The following ZNF503 variants were observed in gnomAD, a reference collection of about 807,000 sequenced individuals.
The protein encoded by ZNF503 is zinc finger protein 503, also known as NocA-like zinc finger 2.
ZNF503 carries 15 observed loss-of-function variants against 34.4 expected under a neutral mutation model. The ratio of observed to expected loss-of-function variants is 0.44; its 90% confidence interval spans 0.29 to 0.67. ZNF503 has a LOEUF of 0.67. Among genes scored for constraint, ZNF503 ranks in the 30% least tolerant of loss-of-function variants. The pLI is 0.13. For missense variants in ZNF503, 1,007 were observed against 926.8 expected (o/e 1.09, Z -1.12); for synonymous variants, 580 against 456.8 (o/e 1.27, Z -3.44).
the ZNF503 span, among the ~76,000 whole-genome samples, chr10:75,360,377 C>T: frequency 5.9e-5 from 9 of 152,086 alleles, no homozygotes; most frequent in South Asian, 2.1e-4. Flanking sequence ...CCACCCATCT[C>T]GGCCTCCCAA....
the ZNF503 span, among the ~76,000 whole-genome samples, chr10:75,293,621 C>T: frequency 2.6e-5 from 4 of 151,838 alleles, no homozygotes; most frequent in South Asian, 2.1e-4. Context: ...GTGCCCCCCC[C>T]GTCCACTCAC....
chr10:75,369,077 A>C, the ZNF503 span, among the ~76,000 whole-genome samples: 701 of 152,324 alleles, frequency 4.6e-3, 3 homozygotes, highest in African/African-American at 0.016. Flanking sequence ...AAGGTTGTTT[A>C]AGATACATTA....
chr10:75,349,716 G>A, the ZNF503 span, among the ~76,000 whole-genome samples: 3 of 152,236 alleles, frequency 2.0e-5, no homozygotes, highest in Non-Finnish European at 4.4e-5. Context: ...ACTGGAAGAA[G>A]ACCTGAGGCT....
At chr10:75,284,324 A>T in the ZNF503 span, among the ~76,000 whole-genome samples, 2 of 151,398 alleles carry the variant, frequency 1.3e-5, no homozygotes, top group East Asian at 1.9e-4. Context: ...AAACCAGCCT[A>T]AGAGAGCAGA....
chr10:75,395,526 C>G (rs1395192660), downstream of ZNF503, among the ~76,000 whole-genome samples: 2 of 152,094 alleles, frequency 1.3e-5, no homozygotes, highest in Admixed American at 6.5e-5. This position sits in a 1 kb window ranked among gnomAD's most constrained non-coding sequence, Gnocchi z 4.4. Flanking sequence ...CGGGCTCCAG[C>G]CGCCAGCCGG....
chr10:75,293,382 C>G, the ZNF503 span, among the ~76,000 whole-genome samples: 2 of 152,136 alleles, frequency 1.3e-5, no homozygotes, highest in African/African-American at 2.4e-5. Flanking sequence ...GTGCAGCTGG[C>G]CTTTCCAGGT....
the ZNF503 span, among the ~76,000 whole-genome samples, chr10:75,381,944 C>G: frequency 6.7e-6 from 1 of 148,992 alleles, no homozygotes; most frequent in Admixed American, 6.8e-5. Flanking sequence ...GTAGCTGAGA[C>G]TACAGGCATA....
chr10:75,329,538 A>G, the ZNF503 span, among the ~76,000 whole-genome samples: 150,677 of 151,996 alleles, frequency 0.99, 74,751 homozygotes, highest in Middle Eastern at 1. Flanking sequence ...GCTCATAGCT[A>G]CCTAATAGCC....
the ZNF503 span, among the ~76,000 whole-genome samples, chr10:75,364,075 G>A: frequency 1.2e-4 from 18 of 152,136 alleles, no homozygotes; most frequent in Non-Finnish European, 4.4e-5. Flanking sequence ...TATTATAACT[G>A]ACTTTCCTTT....
chr10:75,384,417 CAT>C, the ZNF503 span, among the ~76,000 whole-genome samples: 1 of 152,162 alleles, frequency 6.6e-6, no homozygotes, highest in Non-Finnish European at 1.5e-5. Flanking sequence ...AGCACACACT[CAT>C]AAACACATAG....
chr10:75,393,425 CT>C (rs1412945855), downstream of ZNF503, among the ~76,000 whole-genome samples: 2 of 152,266 alleles, frequency 1.3e-5, no homozygotes, highest in East Asian at 3.9e-4. Flanking sequence ...GAAATGGTGT[CT>C]TTATTATTTC....
chr10:75,369,402 C>T, the ZNF503 span, among the ~76,000 whole-genome samples: 5 of 152,170 alleles, frequency 3.3e-5, no homozygotes, highest in South Asian at 6.2e-4. Flanking sequence ...ATGCTGTTCT[C>T]GTGATACTAA....
At chr10:75,291,722 C>T in the ZNF503 span, among the ~76,000 whole-genome samples, 1 of 152,156 alleles carries the variant, frequency 6.6e-6, no homozygotes, top group African/African-American at 2.4e-5. Context: ...GTGGTCTCTC[C>T]CATTGGTCCA....
At chr10:75,283,975 G>A in the ZNF503 span, 5 of 152,158 alleles carry the variant, frequency 3.3e-5, no homozygotes, top group Non-Finnish European at 7.3e-5. Flanking sequence ...AATTAGCTCT[G>A]TCCTCATTTA....
At chr10:75,287,405 A>G in the ZNF503 span, among the ~76,000 whole-genome samples, 4 of 151,838 alleles carry the variant, frequency 2.6e-5, no homozygotes. Flanking sequence ...GGACATATCC[A>G]TCTACCAGCC....
At chr10:75,385,416 G>C in the ZNF503 span, among the ~76,000 whole-genome samples, 1 of 152,208 alleles carries the variant, frequency 6.6e-6, no homozygotes, top group African/African-American at 2.4e-5. Context: ...TTAGTGGGGA[G>C]GGCTCATCTT....
chr10:75,327,945 A>T, the ZNF503 span, among the ~76,000 whole-genome samples: 2 of 141,918 alleles, frequency 1.4e-5, no homozygotes, highest in African/African-American at 2.8e-5. Flanking sequence ...AAATCAAATA[A>T]TAATAATTAT....
In ZNF503 at chr10:75,401,631, A is replaced by T; in HGVS notation, c.-212T>A. On this transcript the variant is annotated 5_prime_UTR_variant, in exon 1 of 2. Coordinates refer to ENST00000372524, the MANE Select transcript of ZNF503 (RefSeq NM_032772.6). ...AGCGGAGCCGTGGCCGGGCTAGAGG[A>T]GCCGGCTGGACTGCGGGAGTGCCGG... 1.7e-6 allele frequency: 1 copy of T among 602,676 alleles called. No homozygotes were observed. The allele number at this position is 602,676 out of a possible 1,614,324, so 37.3% of individuals were successfully genotyped here. A position where few individuals can be genotyped will look rare whatever the true frequency, so the allele number is the denominator to read the frequency against.
At chr10:75,326,190 C>T in the ZNF503 span, among the ~76,000 whole-genome samples, 2 of 152,206 alleles carry the variant, frequency 1.3e-5, no homozygotes, top group African/African-American at 4.8e-5. Context: ...ATTTGCCCTG[C>T]ATCTTATGAC....
Sources: allele counts gnomAD v4.1 joint callset (sites outside exome capture counted in the v4.1 genomes callset), GRCh38; gene constraint gnomAD v4.1.1; non-coding constraint Gnocchi (gnomAD v3.1); transcripts MANE v1.5; gene names NCBI Gene and HGNC (gene_info 2026-07-23, HGNC 2026-07-21).